CCDC122: variants seen among roughly 807,000 people sequenced by gnomAD.
The protein encoded by CCDC122 is coiled-coil domain containing 122, also known as coiled-coil domain-containing protein 122.
CCDC122 carries 38 observed loss-of-function variants against 37.0 expected under a neutral mutation model. That is an observed-to-expected ratio of 1.03 (90% CI 0.79 to 1.35). CCDC122 has a LOEUF of 1.35. Among genes scored for constraint, CCDC122 ranks in the 40% most tolerant of loss-of-function variants. CCDC122 has a pLI of 0.00. For synonymous variants in CCDC122, 83 were observed against 95.6 expected (o/e 0.87, Z 0.77); for missense variants, 305 against 310.0 (o/e 0.98, Z 0.12).
chr13:43,868,841 T>G lies in CCDC122; in HGVS notation c.47-38A>C, dbSNP rs756100870. 6 of 912,568 alleles carry G rather than the reference T, an allele frequency of 6.6e-6. No homozygotes were observed. In the African/African-American group the frequency reaches 1.1e-4, roughly 16 times the overall value. 56.5% of individuals were successfully genotyped at this position (912,568 alleles called of 1,614,324 possible). ...AAAAGAATAAAGTATATAATAAAAA[T>G]TAAAATACAGCCATTTTAAGAAAGT... On this transcript the variant is annotated intron_variant, in intron 3 of 6. Transcript: ENST00000444614.
chr13:43,864,792 T>C lies in CCDC122; in HGVS notation c.156+3902A>G, dbSNP rs1010643800. ...TGACAAGGGTGATAGGATGATCTTT[T>C]GTTCGAATGAATTAATTCTTGGTGG... On this transcript the variant is annotated intron_variant, in intron 4 of 6. Coordinates refer to ENST00000444614, the MANE Select transcript of CCDC122 (RefSeq NM_144974.5). Among the ~76,000 whole-genome samples the C allele has an allele frequency of 2.6e-5, 4 of 152,200 alleles. No individual in the cohort carries two copies. The East Asian group carries it at 7.7e-4, about 29-fold the overall frequency.
chr13:43,869,038 T>C (rs1208476048), intron 3 of CCDC122, among the ~76,000 whole-genome samples: 3 of 152,016 alleles, frequency 2.0e-5, no homozygotes, highest in Non-Finnish European at 4.4e-5. Flanking sequence ...TACGGAACAG[T>C]ATAAATATTT....
intron 4 of CCDC122, among the ~76,000 whole-genome samples, chr13:43,861,255 T>C (rs971481828): frequency 1.3e-5 from 2 of 151,446 alleles, no homozygotes; most frequent in Non-Finnish European, 2.9e-5. Context: ...TATGGAAGAG[T>C]TTTTTAAAGC....
intron 3 of CCDC122, 48 bp from the exon 4 acceptor site, chr13:43,868,851 G>A: frequency 1.3e-6 from 1 of 794,886 alleles, no homozygotes; most frequent in Non-Finnish European, 1.8e-6. Context: ...TTAAAATACA[G>A]CCATTTTAAG....
intron 3 of CCDC122, among the ~76,000 whole-genome samples, chr13:43,828,504 C>T (rs537421613): frequency 6.6e-6 from 1 of 150,610 alleles, no homozygotes; most frequent in African/African-American, 2.4e-5. Context: ...TTGGTTTATG[C>T]TTCTGTTACA....
At chr13:43,842,356 A>T (rs1210100930) in intron 6 of CCDC122, among the ~76,000 whole-genome samples, 2 of 152,016 alleles carry the variant, frequency 1.3e-5, no homozygotes, top group Non-Finnish European at 2.9e-5. Flanking sequence ...ACAAAATATG[A>T]TTAATTTCTG....
chr13:43,844,457 G>A (rs1953451191), intron 6 of CCDC122, among the ~76,000 whole-genome samples: 1 of 151,962 alleles, frequency 6.6e-6, no homozygotes, highest in South Asian at 2.1e-4. Flanking sequence ...TACACTTAAA[G>A]TGTAATCAGT....
chr13:43,831,967 T>C (rs1473171283), downstream of CCDC122, among the ~76,000 whole-genome samples: 2 of 106,752 alleles, frequency 1.9e-5, no homozygotes, highest in Non-Finnish European at 4.4e-5. Flanking sequence ...TGAAGCGGCC[T>C]ATTCTTAGCT....
downstream of CCDC122, among the ~76,000 whole-genome samples, chr13:43,832,229 T>C (rs752556392): frequency 5.3e-5 from 8 of 151,886 alleles, no homozygotes; most frequent in Admixed American, 3.3e-4. Context: ...TAGCTTCTGA[T>C]AATTAGCTTT....
downstream of CCDC122, among the ~76,000 whole-genome samples, chr13:43,821,871 T>C (rs971715594): frequency 8.5e-5 from 13 of 152,242 alleles, no homozygotes; most frequent in Admixed American, 6.5e-4. Flanking sequence ...ATTCATCTGA[T>C]AGAATTCTGA....
At chr13:43,875,152 A>G (rs528353755) in intron 1 of CCDC122, among the ~76,000 whole-genome samples, 1 of 152,348 alleles carries the variant, frequency 6.6e-6, no homozygotes, top group African/African-American at 2.4e-5. Flanking sequence ...AAGGATGTCC[A>G]GGCAACTGTT....
chr13:43,823,583 T>G (rs911807260), downstream of CCDC122, among the ~76,000 whole-genome samples: 1 of 152,250 alleles, frequency 6.6e-6, no homozygotes, highest in Non-Finnish European at 1.5e-5. Context: ...AGAGCACTTA[T>G]GGCCCACAGT....
chr13:43,850,599 T>C (rs1405206725), intron 6 of CCDC122, among the ~76,000 whole-genome samples: 4 of 151,904 alleles, frequency 2.6e-5, no homozygotes, highest in African/African-American at 7.3e-5. Flanking sequence ...AACTGAAAAA[T>C]AGAAAGCTAA....
At chr13:43,864,892 C>G (rs965199926) in intron 4 of CCDC122, among the ~76,000 whole-genome samples, 1 of 152,110 alleles carries the variant, frequency 6.6e-6, no homozygotes, top group African/African-American at 2.4e-5. Flanking sequence ...AACTTTTAGC[C>G]CCATTTCCCC....
chr13:43,865,234 G>T (rs1954240308), intron 4 of CCDC122, among the ~76,000 whole-genome samples: 1 of 152,190 alleles, frequency 6.6e-6, no homozygotes, highest in Non-Finnish European at 1.5e-5. Context: ...GGAGTAGGTT[G>T]TGAGAACCTC....
intron 6 of CCDC122, chr13:43,854,797 C>A (rs943657697): frequency 6.6e-6 from 1 of 152,172 alleles, no homozygotes; most frequent in Non-Finnish European, 1.5e-5. Context: ...AGCTTTATAT[C>A]TGGGATGCAA....
chr13:43,820,299 G>A (rs1381664208), downstream of CCDC122, among the ~76,000 whole-genome samples: 2 of 152,152 alleles, frequency 1.3e-5, no homozygotes, highest in Admixed American at 1.3e-4. Context: ...TGCTGAGCTT[G>A]TGGTTTCTAA....
intron 2 of CCDC122, among the ~76,000 whole-genome samples, chr13:43,873,104 CCTT>C (rs1482274061): frequency 6.6e-6 from 1 of 151,918 alleles, no homozygotes; most frequent in Non-Finnish European, 1.5e-5. Context: ...TTTGCTGGTC[CCTT>C]CTCATCTTTT....
chr13:43,828,763 T>C (rs1246538979), intron 3 of CCDC122, among the ~76,000 whole-genome samples: 1 of 152,144 alleles, frequency 6.6e-6, no homozygotes, highest in Non-Finnish European at 1.5e-5. Context: ...GTGAGACAAA[T>C]TTAATTTAAA....
Sources: gnomAD v4.1 joint callset for allele counts (sites outside exome capture counted in the v4.1 genomes callset) on GRCh38, gnomAD v4.1.1 for gene constraint, MANE v1.5 for transcripts, NCBI Gene and HGNC (gene_info 2026-07-23, HGNC 2026-07-21) for gene names.